Variants in PTPRD observed in about 807,000 individuals in gnomAD.
PTPRD encodes the protein protein tyrosine phosphatase receptor type D.
PTPRD carries 34 observed loss-of-function variants against 214.5 expected under a neutral mutation model. The ratio of observed to expected loss-of-function variants is 0.16; its 90% CI spans 0.12 to 0.21. The LOEUF (loss-of-function observed/expected upper bound fraction) is 0.21, where lower values mean the gene tolerates loss of function less well. PTPRD is among the 10% of genes least tolerant of loss of function. The probability of loss-of-function intolerance (pLI) is 1.00; values close to 1 mark genes in which losing one functional copy is unlikely to be tolerated. For missense variants in PTPRD, 2,545 were observed against 2,398.7 expected, an observed-to-expected ratio of 1.06 and a Z score of -1.27; for synonymous variants, 1,128 against 845.7, an observed-to-expected ratio of 1.33 and a Z score of -5.79.
chr9:10,440,920 C>T (rs2098753838), intron 2 of PTPRD, among the ~76,000 whole-genome samples: 1 of 151,740 alleles, frequency 6.6e-6, no homozygotes, highest in South Asian at 2.1e-4. Context: ...GATGAAACCA[C>T]TGAATGTGAA....
chr9:10,492,050 T>G (rs1275204136), intron 2 of PTPRD, among the ~76,000 whole-genome samples: 1 of 152,186 alleles, frequency 6.6e-6, no homozygotes, highest in East Asian at 1.9e-4. Context: ...AACTCATTGT[T>G]TTTTATGGCT....
chr9:9,506,321 C>A (rs565937528), intron 8 of PTPRD, among the ~76,000 whole-genome samples: 1 of 151,428 alleles, frequency 6.6e-6, no homozygotes, highest in South Asian at 2.1e-4. Flanking sequence ...AGTAGAGGAC[C>A]TTTATCTTAA....
chr9:8,807,699 T>C (rs573464930), intron 11 of PTPRD, among the ~76,000 whole-genome samples: 2 of 151,928 alleles, frequency 1.3e-5, no homozygotes, highest in Non-Finnish European at 2.9e-5. Flanking sequence ...GTTTATGAAA[T>C]AAAACACAAA....
chr9:10,323,300 C>T (rs1224985665), intron 3 of PTPRD, among the ~76,000 whole-genome samples: 7 of 111,258 alleles, frequency 6.3e-5, no homozygotes, highest in Non-Finnish European at 1.3e-4. Flanking sequence ...CTCCCCTCCC[C>T]TCCCATTCCC....
intron 2 of PTPRD, among the ~76,000 whole-genome samples, chr9:10,590,574 A>G (rs1194488389): frequency 6.6e-6 from 1 of 152,026 alleles, no homozygotes; most frequent in Non-Finnish European, 1.5e-5. Flanking sequence ...ACTGTATATA[A>G]TATGTTGTCT....
At chr9:10,190,274 G>C (rs1041949710) in intron 3 of PTPRD, among the ~76,000 whole-genome samples, 1 of 151,162 alleles carries the variant, frequency 6.6e-6, no homozygotes, top group Non-Finnish European at 1.5e-5. Flanking sequence ...GCTGAGACAG[G>C]ACAATTGCTT....
chr9:10,061,206 C>A (rs1478959666), intron 3 of PTPRD, among the ~76,000 whole-genome samples: 1 of 151,730 alleles, frequency 6.6e-6, no homozygotes, highest in Non-Finnish European at 1.5e-5. Flanking sequence ...AATGAAAATG[C>A]ATAACAAGTT....
chr9:9,265,536 C>T (rs1197574321), intron 9 of PTPRD, among the ~76,000 whole-genome samples: 1 of 151,250 alleles, frequency 6.6e-6, no homozygotes, highest in African/African-American at 2.4e-5. Context: ...TAGTATTAAA[C>T]ACATATGCAA....
intron 9 of PTPRD, among the ~76,000 whole-genome samples, chr9:9,257,687 T>C (rs772874153): frequency 6.6e-6 from 1 of 151,818 alleles, no homozygotes; most frequent in Admixed American, 6.6e-5. Context: ...CAGTCCCAGC[T>C]GTGGGAGGAT....
At chr9:9,045,791 A>T (rs1354654645) in intron 10 of PTPRD, among the ~76,000 whole-genome samples, 1 of 152,206 alleles carries the variant, frequency 6.6e-6, no homozygotes, top group Non-Finnish European at 1.5e-5. Flanking sequence ...TAAGGAGGAA[A>T]AAAAAGTAGA....
At chr9:9,203,556 C>T (rs1332728198) in intron 9 of PTPRD, among the ~76,000 whole-genome samples, 1 of 151,980 alleles carries the variant, frequency 6.6e-6, no homozygotes, top group Non-Finnish European at 1.5e-5. Flanking sequence ...TCTATCAGTC[C>T]CACTGTTACA....
chr9:8,756,577 G>A (rs1160479827), intron 11 of PTPRD, among the ~76,000 whole-genome samples: 1 of 152,148 alleles, frequency 6.6e-6, no homozygotes, highest in Non-Finnish European at 1.5e-5. Flanking sequence ...TGGGCTATTT[G>A]AGAGTGGGTT....
chr9:9,749,365 A>G (rs1337105831), intron 6 of PTPRD, among the ~76,000 whole-genome samples: 2 of 152,080 alleles, frequency 1.3e-5, no homozygotes, highest in South Asian at 2.1e-4. Context: ...TTTTCCAATC[A>G]TCTCTATAAT....
chr9:8,453,750 G>A (rs370038458), intron 33 of PTPRD, among the ~76,000 whole-genome samples: 58 of 152,276 alleles, frequency 3.8e-4, no homozygotes, highest in East Asian at 3.1e-3. Context: ...GTGGGCCAAT[G>A]CCTAGACTTT....
intron 3 of PTPRD, among the ~76,000 whole-genome samples, chr9:10,310,411 G>C (rs552211331): frequency 6.6e-6 from 1 of 151,870 alleles, no homozygotes; most frequent in African/African-American, 2.4e-5. Flanking sequence ...AAAATTCAAC[G>C]TTATCATTAT....
chr9:10,014,056 G>A (rs993286871), intron 4 of PTPRD, among the ~76,000 whole-genome samples: 8 of 151,740 alleles, frequency 5.3e-5, no homozygotes, highest in Non-Finnish European at 1.2e-4. Context: ...ATCTTCACAT[G>A]TCAGCCCCTA....
intron 2 of PTPRD, among the ~76,000 whole-genome samples, chr9:10,344,725 T>A (rs2097032101): frequency 6.6e-6 from 1 of 152,140 alleles, no homozygotes. Flanking sequence ...GGTTTGTAGT[T>A]CTCATTGGTC....
At chr9:9,171,104 A>G (rs1039520895) in intron 10 of PTPRD, among the ~76,000 whole-genome samples, 3 of 152,158 alleles carry the variant, frequency 2.0e-5, no homozygotes, top group Non-Finnish European at 4.4e-5. Flanking sequence ...TTGAAAGTCA[A>G]AACAAGAGGG....
At chr9:9,830,009 T>C (rs1375245852) in intron 5 of PTPRD, among the ~76,000 whole-genome samples, 3 of 151,812 alleles carry the variant, frequency 2.0e-5, no homozygotes, top group Non-Finnish European at 4.4e-5. Context: ...AGAAGGTTAA[T>C]AGTTCCATGT....
Sources: gnomAD v4.1 joint callset for allele counts (sites outside exome capture counted in the v4.1 genomes callset) on GRCh38, gnomAD v4.1.1 for gene constraint, MANE v1.5 for transcripts, NCBI Gene and HGNC (gene_info 2026-07-23, HGNC 2026-07-21) for gene names.